SLC45A4: variants seen among roughly 807,000 people sequenced by gnomAD.
SLC45A4 encodes polyamine-transporter SLC45A4.
SLC45A4 carries 32 observed loss-of-function variants against 63.7 expected under a neutral mutation model. That is an observed-to-expected ratio of 0.50 (90% confidence interval 0.38 to 0.67). The LOEUF (loss-of-function observed/expected upper bound fraction) is 0.67. SLC45A4 is among the 30% of genes least tolerant of loss of function. The pLI is 0.00. For missense variants in SLC45A4, 1,027 were observed against 1,157.7 expected, an observed-to-expected ratio of 0.89 and a Z score of 1.64; for synonymous variants, 535 against 510.0, an observed-to-expected ratio of 1.05 and a Z score of -0.66.
At chr8:141,214,248 T>C (rs1826006833) in intron 7 of SLC45A4, among the ~76,000 whole-genome samples, 1 of 151,598 alleles carries the variant, frequency 6.6e-6, no homozygotes, top group Non-Finnish European at 1.5e-5. Context: ...TACTCCCCTG[T>C]TGAGTTTGAA....
At chr8:141,249,956 G>A (rs922695376) in intron 2 of SLC45A4, among the ~76,000 whole-genome samples, 2 of 152,116 alleles carry the variant, frequency 1.3e-5, no homozygotes, top group East Asian at 3.8e-4. Flanking sequence ...ACACAGACCA[G>A]GGCTTACAGT....
intron 2 of SLC45A4, among the ~76,000 whole-genome samples, chr8:141,221,991 C>G (rs1269347089): frequency 1.3e-5 from 2 of 152,276 alleles, no homozygotes; most frequent in East Asian, 1.9e-4. Context: ...AGAAAAGCAG[C>G]CAGGCCTTGG....
rs370033000 is a variant in SLC45A4, at chr8:141,218,389, G to C, written c.1251C>G (p.His417Gln). 1 of 1,608,618 alleles carries C rather than the reference G, an allele frequency of 6.2e-7. No individual in the cohort carries two copies. The highest frequency in any genetic ancestry group is 8.5e-7 in the Non-Finnish European group (1 of 1,179,660). The change falls in exon 5 of 9, where the codon CAC becomes CAG. Residue 417 changes from histidine (H) to glutamine (Q), a missense_variant. His to Gln is a conservative substitution (Grantham distance 24). Transcript: ENST00000517878. ...ATSSSMRRRR[H>Q]AFRRQASSTF... ...TGCTGGAGGCCTGCCTGCGGAACGC[G>C]TGCCGCCGCCGCCGCATGGAGCTCG... is the stretch of plus-strand genomic sequence containing the variant.
chr8:141,232,976 G>C (rs1827441659), intron 2 of SLC45A4, among the ~76,000 whole-genome samples: 1 of 152,240 alleles, frequency 6.6e-6, no homozygotes, highest in Non-Finnish European at 1.5e-5. Context: ...AACAGGAGTG[G>C]AGAGGAGCAG....
intron 4 of SLC45A4, 31 bp from the exon 5 acceptor site, chr8:141,219,060 C>A: frequency 6.3e-7 from 1 of 1,588,992 alleles, no homozygotes; most frequent in South Asian, 1.1e-5. Flanking sequence ...GCCGGTGAGC[C>A]GGTGGCACCA....
In SLC45A4 at chr8:141,215,954, G is replaced by T. The variant is rs1300401157; in HGVS notation, c.1746C>A (p.Tyr582Ter). 2 of 1,613,676 alleles carry T rather than the reference G, an allele frequency of 1.2e-6. No homozygotes were observed. Residue 582 changes from tyrosine (Y) to a stop codon, truncating the protein, a stop_gained, in exon 7 of 9, where the codon TAC becomes TAA. Transcript: ENST00000517878. LOFTEE classifies it high-confidence loss of function. The surrounding 1 kb of genome is among the most constrained non-coding windows in gnomAD (Gnocchi z 4.3). The stretch of plus-strand genomic sequence containing the variant: ...TGACGCTCAGGTCGTAGTTGTCCAA[G>T]TACTTCTGTAACAGGGCTGCAGAGA... ...GAICSALLQKYLDNYDLSVRV... is the reference protein window; with the variant it reads ...GAICSALLQK
chr8:141,224,235 T>G (rs1288658005), intron 2 of SLC45A4: 1 of 152,230 alleles, frequency 6.6e-6, no homozygotes, highest in Admixed American at 6.5e-5. Flanking sequence ...TGTCCCCTTG[T>G]ATGTCATGGA....
intron 1 of SLC45A4, among the ~76,000 whole-genome samples, chr8:141,258,571 A>G (rs58629300): frequency 0.085 from 12,873 of 152,196 alleles, 1,846 homozygotes; most frequent in African/African-American, 0.29. Flanking sequence ...AGACTCATTC[A>G]GCCTGTGCAA....
In SLC45A4 at chr8:141,219,804, G is replaced by T. The variant is rs779707380; in HGVS notation, c.456C>A (p.Asn152Lys). ...AIGLALGDVP[N>K]RQPIGIVLTV... ...TGAGCACGATGCCAATGGGCTGCCG[G>T]TTGGGGACATCGCCGAGGGCCAGAC... Residue 152 changes from asparagine to lysine, a missense_variant, in exon 4 of 9, where the codon AAC becomes AAA. Asn to Lys is a moderately conservative substitution (Grantham distance 94, BLOSUM62 0). Transcript: ENST00000517878. The T allele has an allele frequency of 6.3e-7, 1 of 1,590,482 alleles. No individual in the cohort carries two copies. The highest frequency in any genetic ancestry group is 8.6e-7 in the Non-Finnish European group (1 of 1,169,404).
In SLC45A4 at chr8:141,212,513, A is replaced by G. The variant is rs1825900695; in HGVS notation, c.1985T>C (p.Ile662Thr). 5.6e-6 allele frequency: 9 copies of G among 1,612,378 alleles called. No homozygotes were observed. The highest frequency in any genetic ancestry group is 1.7e-4 in the Middle Eastern group (1 of 6,060). ...TTGGCAGGACAGGATGGCACAATCT[A>G]TGCCAAACCCTCGCTTGGAGTTCCC... is the stretch of plus-strand genomic sequence containing the variant. ...SPGNSKRGFG[I>T]DCAILSCQVY... Residue 662 changes from isoleucine (I) to threonine (T), a missense_variant, in exon 8 of 9, where the codon ATA becomes ACA. Coordinates refer to ENST00000517878, the MANE Select transcript of SLC45A4 (RefSeq NM_001286646.2).
At chr8:141,264,248 T>C (rs1261874501) in intron 1 of SLC45A4, among the ~76,000 whole-genome samples, 6 of 152,164 alleles carry the variant, frequency 3.9e-5, no homozygotes, top group Non-Finnish European at 8.8e-5. Context: ...GGAGCCACTT[T>C]GCATCTCCCG....
intron 2 of SLC45A4, among the ~76,000 whole-genome samples, chr8:141,250,401 GT>G (rs34533385): frequency 3.0e-4 from 43 of 143,676 alleles, no homozygotes; most frequent in South Asian, 6.6e-4. Context: ...GGTGTGAGTG[GT>G]TTTTTTTTTT....
rs943729907 is a variant in SLC45A4 at position 141,211,377 on chromosome 8, C to A, written c.*195G>T. 30 of 1,481,962 alleles carry A rather than the reference C, an allele frequency of 2.0e-5. No homozygotes were observed. The allele number at this position is 1,481,962 out of a possible 1,614,324, so 91.8% of individuals were successfully genotyped here. ...CACGCAGGAGCTCGTCTGGAGCTCACGCTCCGCCCCCAGGTGGTGCCCAGC... is the reference window on the plus strand; with the variant it reads ...CACGCAGGAGCTCGTCTGGAGCTCAAGCTCCGCCCCCAGGTGGTGCCCAGC... On this transcript the variant is annotated 3_prime_UTR_variant, in exon 9 of 9. Coordinates refer to ENST00000517878, the MANE Select transcript of SLC45A4 (RefSeq NM_001286646.2).
chr8:141,219,167 A>AGTAG, intron 4 of SLC45A4, 138 bp from the exon 5 acceptor site: 1 of 1,013,304 alleles, frequency 9.9e-7, no homozygotes, highest in Non-Finnish European at 1.4e-6. Context: ...AGGAGAAAGC[A>AGTAG]GTAGGAAAAC....
intron 6 of SLC45A4, among the ~76,000 whole-genome samples, 156 bp downstream of exon 6, chr8:141,216,934 C>T (rs918974591): frequency 2.6e-5 from 4 of 152,216 alleles, no homozygotes; most frequent in Non-Finnish European, 4.4e-5. Flanking sequence ...ATGGGAATTT[C>T]GATGCTTCTC....
intron 2 of SLC45A4, among the ~76,000 whole-genome samples, chr8:141,231,589 C>T (rs972299140): frequency 7.2e-5 from 11 of 152,214 alleles, no homozygotes; most frequent in African/African-American, 2.7e-4. Context: ...CTGCGGGACC[C>T]ACACCGAGTG....
chr8:141,220,135 G>A (rs760902889), intron 3 of SLC45A4, among the ~76,000 whole-genome samples: 3 of 152,174 alleles, frequency 2.0e-5, no homozygotes, highest in East Asian at 1.9e-4. Flanking sequence ...TTTCTACCCC[G>A]GCCATCAGAG....
chr8:141,293,973 G>A (rs954319038), intron 1 of SLC45A4, among the ~76,000 whole-genome samples: 3 of 150,176 alleles, frequency 2.0e-5, no homozygotes, highest in Non-Finnish European at 4.5e-5. Context: ...AAAATCATCC[G>A]CGGTAAAGAT....
At chr8:141,216,984 T>C (rs7813723) in intron 6 of SLC45A4, 106 bp downstream of exon 6, 136,212 of 1,140,794 alleles carry the variant, frequency 0.12, 8,990 homozygotes, top group East Asian at 0.27. Flanking sequence ...CAGAAGTCAG[T>C]GCGACTGATG....
Sources: gnomAD v4.1 joint callset for allele counts (sites outside exome capture counted in the v4.1 genomes callset) on GRCh38, gnomAD v4.1.1 for gene constraint, Gnocchi (gnomAD v3.1) non-coding constraint, MANE v1.5 for transcripts, NCBI Gene and HGNC (gene_info 2026-07-23, HGNC 2026-07-21) for gene names.